Variants in CFAP92 observed in about 807,000 individuals in gnomAD.
CFAP92 encodes the protein uncharacterized protein CFAP92.
CFAP92 carries 86 observed loss-of-function variants against 106.3 expected under a neutral mutation model. The ratio of observed to expected loss-of-function variants is 0.81; its 90% CI spans 0.68 to 0.97. The LOEUF (loss-of-function observed/expected upper bound fraction) is 0.97, where lower values mean the gene tolerates loss of function less well. Among genes scored for constraint, CFAP92 ranks in the 50% least tolerant of loss-of-function variants. The pLI is 0.00. For synonymous variants in CFAP92, 477 were observed against 506.4 expected (o/e 0.94, Z 0.78); for missense variants, 1,204 against 1,283.8 (o/e 0.94, Z 0.95).
chr3:128,939,732 G>A (rs540803643), intron 10 of CFAP92, among the ~76,000 whole-genome samples: 8 of 152,178 alleles, frequency 5.3e-5, no homozygotes, highest in East Asian at 3.9e-4. Flanking sequence ...TTCCACGGAC[G>A]GGGTTGGGAG....
chr3:128,912,888 G>A, intron 15 of CFAP92: 2 of 596,064 alleles, frequency 3.4e-6, no homozygotes, highest in Non-Finnish European at 6.4e-6. Context: ...TCATTGAGGA[G>A]ACACCATAGT....
intron 12 of CFAP92, among the ~76,000 whole-genome samples, chr3:128,928,939 A>G (rs1394227085): frequency 6.6e-6 from 1 of 152,218 alleles, no homozygotes; most frequent in African/African-American, 2.4e-5. Context: ...AACAATAAAA[A>G]GACAACTTGA....
At chr3:129,016,938 C>T in the CFAP92 span, among the ~76,000 whole-genome samples, 2 of 152,190 alleles carry the variant, frequency 1.3e-5, no homozygotes, top group Admixed American at 6.5e-5. Context: ...CATTTATTAT[C>T]TCATGTGAGA....
intron 12 of CFAP92, among the ~76,000 whole-genome samples, chr3:128,927,255 C>T (rs1192759075): frequency 6.6e-6 from 1 of 151,978 alleles, no homozygotes; most frequent in East Asian, 1.9e-4. Flanking sequence ...TTCCAGCCTC[C>T]AGAATAGTGA....
intron 1 of CFAP92, chr3:129,002,017 G>T: frequency 1.3e-6 from 2 of 1,545,538 alleles, no homozygotes; most frequent in South Asian, 1.2e-5. Flanking sequence ...GAAGAGGCGC[G>T]CCTGGCGCTG....
chr3:128,937,351 GCCTGTAATC>G (rs1332938458), intron 10 of CFAP92, among the ~76,000 whole-genome samples: 1 of 148,880 alleles, frequency 6.7e-6, no homozygotes, highest in African/African-American at 2.5e-5. Flanking sequence ...AGTGGTTTAC[GCCTGTAATC>G]CCAGTACTAT....
intron 12 of CFAP92, among the ~76,000 whole-genome samples, chr3:128,921,259 G>A (rs1937258403): frequency 6.6e-6 from 1 of 152,190 alleles, no homozygotes; most frequent in South Asian, 2.1e-4. Context: ...GTGTGAAAGA[G>A]GATGCATCAT....
chr3:128,912,479 ACCCACCATCTCT>A, intron 15 of CFAP92: 1 of 1,593,640 alleles, frequency 6.3e-7, no homozygotes. Context: ...CAGAAAGATC[ACCCACCATCTCT>A]CCTTTTCCTT....
rs757878053 is a variant in CFAP92, at chr3:128,987,754, C to A, written c.529G>T (p.Glu177Ter). Residue 177 changes from glutamate (E) to a stop codon, truncating the protein, a stop_gained, in exon 4 of 16, where the codon GAA becomes TAA. Coordinates refer to ENST00000645291, the MANE Select transcript of CFAP92 (RefSeq NM_001394090.1). LOFTEE classifies it high-confidence loss of function. ...TGGAAATTTATTTTCTTTAATAATT[C>A]CTTTGTCACAGTGATATTAAAAGTC... ...EQTFNITVTK[E>*]LLKKINFHKI... 1 of 1,613,950 alleles carries A rather than the reference C, an allele frequency of 6.2e-7. No individual in the cohort carries two copies. The highest frequency in any genetic ancestry group is 1.7e-5 in the Admixed American group (1 of 60,020).
At chr3:128,941,221 T>G (rs1939587518) in intron 10 of CFAP92, among the ~76,000 whole-genome samples, 1 of 152,172 alleles carries the variant, frequency 6.6e-6, no homozygotes, top group African/African-American at 2.4e-5. Flanking sequence ...TAGATGGTAT[T>G]CAAAATTTGA....
intron 9 of CFAP92, among the ~76,000 whole-genome samples, chr3:128,948,810 G>T (rs139772708): frequency 2.6e-5 from 4 of 152,100 alleles, no homozygotes; most frequent in Non-Finnish European, 2.9e-5. Context: ...GATTACAGGC[G>T]TGAGCCACCG....
At chr3:128,984,523 G>T (rs1440374397) in intron 4 of CFAP92, among the ~76,000 whole-genome samples, 1 of 152,190 alleles carries the variant, frequency 6.6e-6, no homozygotes, top group African/African-American at 2.4e-5. Context: ...CCAGTGGTTT[G>T]CCGGGGGGCT....
chr3:128,959,834 C>T (rs549773021), intron 9 of CFAP92, among the ~76,000 whole-genome samples: 1 of 152,310 alleles, frequency 6.6e-6, no homozygotes, highest in Admixed American at 6.5e-5. Flanking sequence ...GCCTCTGAGC[C>T]CAGGCCAGGC....
chr3:128,976,331 G>A (rs901436381), intron 6 of CFAP92, among the ~76,000 whole-genome samples: 1 of 152,172 alleles, frequency 6.6e-6, no homozygotes, highest in South Asian at 2.1e-4. Flanking sequence ...CATAAGGGGG[G>A]TCTGAACTGA....
intron 9 of CFAP92, among the ~76,000 whole-genome samples, chr3:128,963,003 C>T (rs1240156754): frequency 1.1e-4 from 17 of 152,046 alleles, no homozygotes; most frequent in East Asian, 5.8e-4. Context: ...CTCTCTTTGC[C>T]TTCACTTAGA....
At chr3:128,986,244 T>C (rs1311603866) in intron 4 of CFAP92, among the ~76,000 whole-genome samples, 1 of 150,886 alleles carries the variant, frequency 6.6e-6, no homozygotes, top group Non-Finnish European at 1.5e-5. Flanking sequence ...GTTTTACTTT[T>C]TTTTTTTTTT....
At chr3:128,948,501 G>A (rs1405592089) in intron 9 of CFAP92, among the ~76,000 whole-genome samples, 4 of 144,268 alleles carry the variant, frequency 2.8e-5, no homozygotes, top group African/African-American at 1.0e-4. Context: ...CAGGATAACA[G>A]GCGTGAGCCA....
chr3:128,972,214 G>A (rs1362950711), intron 7 of CFAP92, among the ~76,000 whole-genome samples: 2 of 151,668 alleles, frequency 1.3e-5, no homozygotes, highest in Non-Finnish European at 2.9e-5. Context: ...ATATCTAGGA[G>A]ACTATACTGA....
intron 10 of CFAP92, among the ~76,000 whole-genome samples, chr3:128,944,809 C>T (rs1025208197): frequency 2.6e-5 from 4 of 152,140 alleles, no homozygotes; most frequent in Non-Finnish European, 5.9e-5. Context: ...CCACAGTAGC[C>T]CTTGGCTCAG....
Sources: gnomAD v4.1 joint callset for allele counts (sites outside exome capture counted in the v4.1 genomes callset) on GRCh38, gnomAD v4.1.1 for gene constraint, MANE v1.5 for transcripts, NCBI Gene and HGNC (gene_info 2026-07-23, HGNC 2026-07-21) for gene names.